The following FAT2 variants were observed in gnomAD, a reference collection of about 807,000 sequenced individuals.
FAT2 encodes the protein protocadherin Fat 2.
Under a neutral mutation model 295.3 loss-of-function variants are expected in FAT2, and 150 were observed. That is an observed-to-expected ratio of 0.51 (90% CI 0.44 to 0.58). FAT2 has a LOEUF of 0.58. Among genes scored for constraint, FAT2 ranks in the 20% least tolerant of loss-of-function variants. FAT2 has a pLI of 0.00. For missense variants in FAT2, 4,868 were observed against 5,442.7 expected, an observed-to-expected ratio of 0.89 and a Z score of 3.32; for synonymous variants, 2,026 against 2,150.3, an observed-to-expected ratio of 0.94 and a Z score of 1.60.
In FAT2 at chr5:151,545,309, T is replaced by C; in HGVS notation, c.5818A>G (p.Thr1940Ala). ...TACAAGCCATCAGAAGCCCTGATGG[T>C]GAGCTTCCGAGAGAGTCCCAGGAAA... ...PAFLGLSRKLTIRASDGLYQD... is the reference protein window; with the variant it reads ...PAFLGLSRKLAIRASDGLYQD... Residue 1940 changes from threonine (T) to alanine (A), a missense_variant, in exon 10 of 24, where the codon ACC (threonine) becomes GCC (alanine). Thr to Ala is a moderately conservative substitution (Grantham distance 58). Transcript: ENST00000261800. 1.2e-6 allele frequency: 2 copies of C among 1,614,134 alleles called. No homozygotes were observed. The highest frequency in any genetic ancestry group is 8.5e-7 in the Non-Finnish European group (1 of 1,180,020).
chr5:151,555,629 C>A (rs1474591736), intron 4 of FAT2, among the ~76,000 whole-genome samples: 18 of 152,152 alleles, frequency 1.2e-4, no homozygotes, highest in Admixed American at 1.2e-3. Flanking sequence ...CTCAGCCTCC[C>A]AAAGTGCTGG....
At chr5:151,559,617 C>T (rs1480121058) in intron 3 of FAT2, among the ~76,000 whole-genome samples, 1 of 151,896 alleles carries the variant, frequency 6.6e-6, no homozygotes, top group Non-Finnish European at 1.5e-5. Flanking sequence ...TCTCTTCTCC[C>T]CCTGTGCCTC....
At chr5:151,592,472 C>T (rs1445128050), upstream of FAT2, among the ~76,000 whole-genome samples, 2 of 152,088 alleles carry the variant, frequency 1.3e-5, no homozygotes, top group African/African-American at 2.4e-5. Context: ...ACATTCCTGG[C>T]AAATAAGTGA....
At position 151,553,277 on chromosome 5, in the gene FAT2, G is replaced by A. The variant is rs2127627344; in HGVS notation, c.4056C>T (p.Thr1352=). The change falls in exon 6 of 24, where the codon ACC becomes ACT. Residue 1352 remains threonine (T), a synonymous_variant. Coordinates refer to ENST00000261800, the MANE Select transcript of FAT2 (RefSeq NM_001447.3). ...PSSIPLAFDE[T]YYSFTVMETD... ...TCTCCATGACCGTAAAGCTGTAGTA[G>A]GTCTCATCAAAGGCCAGAGGGATGG... is the stretch of plus-strand genomic sequence containing the variant. 8 of 1,614,252 alleles carry A rather than the reference G, an allele frequency of 5.0e-6. No homozygotes were observed. Among genetic ancestry groups the A allele is most frequent in the Non-Finnish European group, 6.8e-6 (8 of 1,180,046 alleles).
intron 1 of FAT2, among the ~76,000 whole-genome samples, chr5:151,577,534 TG>T (rs960300496): frequency 6.6e-6 from 1 of 152,046 alleles, no homozygotes; most frequent in Admixed American, 6.6e-5. Flanking sequence ...AAACGTTATG[TG>T]GGGCAAGGGG....
chr5:151,521,363 C>T lies in FAT2; in HGVS notation c.11230G>A (p.Asp3744Asn). ...CTGTACGTGGGCCCAACCTTGGGGT[C>T]CAGATGCACTGTGTTATGGCAGATT... ...GQICHNTVHL[D>N]PKVGPTYSTA... Residue 3744 changes from aspartate (D) to asparagine (N), a missense_variant, in exon 19 of 24, where the codon GAC becomes AAC. Transcript: ENST00000261800. 6.2e-7 allele frequency: 1 copy of T among 1,614,196 alleles called. No homozygotes were observed. The highest frequency in any genetic ancestry group is 8.5e-7 in the Non-Finnish European group (1 of 1,180,042).
intron 12 of FAT2, among the ~76,000 whole-genome samples, chr5:151,537,459 GAAGGA>G (rs202044552): frequency 0.012 from 1,425 of 118,504 alleles, 20 homozygotes; most frequent in African/African-American, 0.04. Flanking sequence ...GGAGGGGAGG[GAAGGA>G]AAGGAGAAAC....
intron 1 of FAT2, among the ~76,000 whole-genome samples, chr5:151,589,986 A>G (rs1759334152): frequency 6.6e-6 from 1 of 152,176 alleles, no homozygotes; most frequent in Admixed American, 6.5e-5. Flanking sequence ...CCAGAGAGGT[A>G]AGAAACCGTC....
At chr5:151,560,224 G>A (rs1581439359) in intron 3 of FAT2, among the ~76,000 whole-genome samples, 2 of 152,204 alleles carry the variant, frequency 1.3e-5, no homozygotes, top group Middle Eastern at 3.4e-3. Flanking sequence ...GCTCTCACAT[G>A]CACAGGCATT....
chr5:151,544,096 T>A lies in FAT2; in HGVS notation c.7031A>T (p.His2344Leu). The A allele has an allele frequency of 6.2e-7, 1 of 1,614,096 alleles. No homozygotes were observed. Among genetic ancestry groups the A allele is most frequent in the South Asian group, 1.1e-5 (1 of 91,080 alleles). The change falls in exon 10 of 24, where the codon CAC becomes CTC. Residue 2344 changes from histidine to leucine, a missense_variant. Transcript: ENST00000261800. ...CATGGCCCTGACTTTCACATGAAAG[T>A]GTTGTTGGGCTTCATAATCCAGTTC... ...VQELDYEAQQ[H>L]FHVKVRAMDK...
At chr5:151,589,529 G>T (rs576343158) in intron 1 of FAT2, among the ~76,000 whole-genome samples, 7 of 152,308 alleles carry the variant, frequency 4.6e-5, no homozygotes, top group African/African-American at 1.7e-4. Flanking sequence ...ATGGAACATT[G>T]AGCCTCTCAA....
At position 151,512,155 on chromosome 5, in the gene FAT2, C is replaced by T. The variant is rs751498033; in HGVS notation, c.11905+10G>A. ...AAACCCTGGGTTCAGCCTGGCACCC[C>T]AGCCCTCACCTGCCCCATGGGTCCA... On this transcript the variant is annotated intron_variant, in intron 21 of 23. Coordinates refer to ENST00000261800, the MANE Select transcript of FAT2 (RefSeq NM_001447.3). This position sits in a 1 kb window ranked among gnomAD's most constrained non-coding sequence, Gnocchi z 4.1. 16 of 1,607,354 alleles carry T rather than the reference C, an allele frequency of 1.0e-5. No individual in the cohort carries two copies. The highest frequency in any genetic ancestry group is 1.3e-5 in the African/African-American group (1 of 74,786).
Position 151,525,888 on chromosome 5 carries a change from G to A in FAT2, c.10386C>T (p.Tyr3462=), listed in dbSNP as rs780464250. Residue 3462 remains tyrosine (Y), a synonymous_variant, in exon 18 of 24, where the codon TAC becomes TAT. Transcript: ENST00000261800. ...DPDSPENGPP[Y]SFRITKGNNG... is the part of the protein sequence containing the mutation. Reference sequence around the variant, plus strand: ...TGTTCCCCTTGGTGATTCGAAACGAGTAGGGGGGGCCATTCTCTGGAGAAT... The same window carrying A: ...TGTTCCCCTTGGTGATTCGAAACGAATAGGGGGGGCCATTCTCTGGAGAAT... The A allele has an allele frequency of 1.9e-6, 3 of 1,614,208 alleles. No individual in the cohort carries two copies. In the East Asian group the frequency reaches 6.7e-5, roughly 36 times the overall value.
chr5:151,586,583 C>G (rs919011036), intron 1 of FAT2, among the ~76,000 whole-genome samples: 1 of 152,210 alleles, frequency 6.6e-6, no homozygotes, highest in Non-Finnish European at 1.5e-5. Context: ...TCTAATCTGA[C>G]TCCTTTCCTT....
At position 151,545,656 on chromosome 5, in the gene FAT2, A is replaced by G. The variant is rs373104490; in HGVS notation, c.5471T>C (p.Ile1824Thr). 1.9e-6 allele frequency: 3 copies of G among 1,614,076 alleles called. No individual in the cohort carries two copies. Among genetic ancestry groups the G allele is most frequent in the Middle Eastern group, 1.6e-4 (1 of 6,084 alleles). ...KIDPSMGTLT[I>T]VSEMDYESMP... is the part of the protein sequence containing the mutation. ...GCTCTCATAATCCATCTCTGATACA[A>G]TGGTTAGGGTTCCCATGCTGGGATC... The change falls in exon 10 of 24, where the codon ATT (isoleucine) becomes ACT (threonine). Residue 1824 changes from isoleucine to threonine, a missense_variant. By Grantham distance (89) the Ile-to-Thr change is moderately conservative. This residue lies in a region of FAT2 where 3,297 missense variants were observed against 3,669.4 expected (regional missense o/e 0.90). Transcript: ENST00000261800.
At chr5:151,536,397 C>T (rs141833618) in intron 12 of FAT2, among the ~76,000 whole-genome samples, 1 of 152,260 alleles carries the variant, frequency 6.6e-6, no homozygotes, top group East Asian at 1.9e-4. Context: ...TTCTCCCCTG[C>T]CACCCCCTGC....
At chr5:151,538,149 A>G (rs904433925) in intron 11 of FAT2, among the ~76,000 whole-genome samples, 1 of 152,170 alleles carries the variant, frequency 6.6e-6, no homozygotes, top group Admixed American at 6.5e-5. Flanking sequence ...AGGAGGTAGA[A>G]TAAGATGAAA....
At chr5:151,527,661 A>G (rs902153959) in intron 16 of FAT2, among the ~76,000 whole-genome samples, 12 of 152,196 alleles carry the variant, frequency 7.9e-5, no homozygotes, top group Admixed American at 6.5e-4. Flanking sequence ...TGAGGATCAA[A>G]TGGCATAAAT....
chr5:151,506,817 TCTC>T (rs1304316124), intron 23 of FAT2, among the ~76,000 whole-genome samples: 4 of 152,076 alleles, frequency 2.6e-5, no homozygotes, highest in Non-Finnish European at 5.9e-5. Context: ...TTAGACCACT[TCTC>T]CTTTCCCTTC....
Sources: allele counts gnomAD v4.1 joint callset (sites outside exome capture counted in the v4.1 genomes callset), GRCh38; gene constraint gnomAD v4.1.1; regional missense constraint gnomAD v4.1.1; non-coding constraint Gnocchi (gnomAD v3.1); transcripts MANE v1.5; gene names NCBI Gene and HGNC (gene_info 2026-07-23, HGNC 2026-07-21).